ATM: variants seen among roughly 807,000 people sequenced by gnomAD.
ATM encodes the protein ATM serine/threonine kinase.
A neutral mutation model predicts 387.0 loss-of-function variants in ATM; 308 were observed. That is an observed-to-expected ratio of 0.80 (90% CI 0.73 to 0.87). The LOEUF is 0.87. ATM is among the 40% of genes least tolerant of loss of function. The pLI is 0.00. For synonymous variants in ATM, 1,156 were observed against 1,187.3 expected (o/e 0.97, Z 0.54); for missense variants, 3,312 against 3,560.9 (o/e 0.93, Z 1.78).
At chr11:108,262,128 G>C (rs952701571) in intron 16 of ATM, among the ~76,000 whole-genome samples, 4 of 152,016 alleles carry the variant, frequency 2.6e-5, no homozygotes, top group African/African-American at 7.3e-5. Flanking sequence ...AGGAAATACA[G>C]AGAATGCCAC....
chr11:108,304,735 G>A lies in ATM; in HGVS notation c.5557G>A (p.Asp1853Asn), dbSNP rs1801516. ...CTTGATTCATGATATTTTACTCCAAGATACAAATGAATCATGGAGAAATCT... is the reference window on the plus strand; with the variant it reads ...CTTGATTCATGATATTTTACTCCAAAATACAAATGAATCATGGAGAAATCT... The part of the protein sequence containing the change: ...PYLIHDILLQ[D>N]TNESWRNLLS... Residue 1853 changes from aspartate (D) to asparagine (N), a missense_variant, in exon 37 of 63, where the codon GAT becomes AAT. Physicochemically the swap from Asp to Asn is conservative, Grantham distance 23. Transcript: ENST00000675843. 0.13 allele frequency: 210,120 copies of A among 1,613,666 alleles called. 15,385 individuals are homozygous for A. The highest frequency in any genetic ancestry group is 0.14 in the Non-Finnish European group (169,329 of 1,179,756).
Position 108,279,555 on chromosome 11 carries a change from C to T in ATM, c.3349C>T (p.Gln1117Ter), listed in dbSNP as rs786201957. 3.7e-6 allele frequency: 6 copies of T among 1,613,814 alleles called. No individual in the cohort carries two copies. Among genetic ancestry groups the T allele is most frequent in the Non-Finnish European group, 5.1e-6 (6 of 1,179,834 alleles). Residue 1117 changes from glutamine to a stop codon, truncating the protein, a stop_gained, in exon 23 of 63, where the codon CAA (glutamine) becomes TAA (stop). Transcript: ENST00000675843. LOFTEE classifies it high-confidence loss of function. ...GAAAGCACTTCCTTTGAAGCTTCAG[C>T]AAACAGCTTTTGAAAATGCATACTT... is the stretch of plus-strand genomic sequence containing the variant. ...LLKALPLKLQ[Q>*]TAFENAYLKA... is the part of the protein sequence containing the mutation.
chr11:108,244,991 T>C lies in ATM; in HGVS notation c.866T>C (p.Ile289Thr), dbSNP rs35261362. Residue 289 changes from isoleucine (I) to threonine (T), a missense_variant, in exon 7 of 63, where the codon ATC becomes ACC. Coordinates refer to ENST00000675843, the MANE Select transcript of ATM (RefSeq NM_000051.4). ...GAATTATTTCAACTGCAAATTTATATCCATCATCCGAAAGGAGCCAAAACC... is the reference window on the plus strand; with the variant it reads ...GAATTATTTCAACTGCAAATTTATACCCATCATCCGAAAGGAGCCAAAACC... ...IIELFQLQIY[I>T]HHPKGAKTQE... is the part of the protein sequence containing the mutation. 2 of 1,611,978 alleles carry C rather than the reference T, an allele frequency of 1.2e-6. No homozygotes were observed. The highest frequency in any genetic ancestry group is 1.7e-6 in the Non-Finnish European group (2 of 1,179,656).
chr11:108,319,806 T>G (rs937607512), intron 43 of ATM, 148 bp from the exon 44 acceptor site: 1 of 634,744 alleles, frequency 1.6e-6, no homozygotes, highest in Non-Finnish European at 2.8e-6. Context: ...TCATAAAATT[T>G]GTATTTCTTA....
intron 61 of ATM, among the ~76,000 whole-genome samples, chr11:108,364,318 T>G (rs2091108597): frequency 6.6e-6 from 1 of 152,056 alleles, no homozygotes; most frequent in South Asian, 2.1e-4. Flanking sequence ...TAAAGCCTAT[T>G]TTTTTTAAAG....
chr11:108,329,054 A>G lies in ATM; in HGVS notation c.7123A>G (p.Ser2375Gly), dbSNP rs2085977071. Residue 2375 changes from serine (S) to glycine (G), a missense_variant, in exon 49 of 63, where the codon AGT becomes GGT. Coordinates refer to ENST00000675843, the MANE Select transcript of ATM (RefSeq NM_000051.4). Reference protein sequence around the residue: ...VEVAGNYDGESSDELRNGKMK... With the variant: ...VEVAGNYDGEGSDELRNGKMK... ...AGTTGCTGGAAATTATGATGGAGAA[A>G]GTAGTGATGAGCTAAGAAATGGAAA... is the stretch of plus-strand genomic sequence containing the variant. 6.2e-7 allele frequency: 1 copy of G among 1,614,136 alleles called. No homozygotes were observed. The highest frequency in any genetic ancestry group is 2.2e-5 in the East Asian group (1 of 44,842).
chr11:108,311,987 A>G (rs2084202025), intron 39 of ATM, among the ~76,000 whole-genome samples: 1 of 152,156 alleles, frequency 6.6e-6, no homozygotes, highest in Admixed American at 6.5e-5. Context: ...TTCCTTTTCA[A>G]TAGTTAATAT....
chr11:108,242,135 CAAAA>C (rs199712751), intron 5 of ATM, among the ~76,000 whole-genome samples: 3 of 150,588 alleles, frequency 2.0e-5, no homozygotes, highest in Admixed American at 6.6e-5. Flanking sequence ...AAACAAAAAA[CAAAA>C]AAAAGAGGAC....
intron 16 of ATM, among the ~76,000 whole-genome samples, chr11:108,266,207 C>T (rs1340010967): frequency 6.7e-6 from 1 of 149,684 alleles, no homozygotes; most frequent in Non-Finnish European, 1.5e-5. Context: ...TGGCATTATT[C>T]ACAATAGCAA....
At chr11:108,259,863 A>G (rs114579218) in intron 16 of ATM, among the ~76,000 whole-genome samples, 1,946 of 152,242 alleles carry the variant, frequency 0.013, 49 homozygotes, top group African/African-American at 0.044. Flanking sequence ...GAGTGAAAAC[A>G]TATTCTGTAA....
chr11:108,292,706 C>A lies in ATM; in HGVS notation c.4524C>A (p.Tyr1508Ter), dbSNP rs1555099892. ...LSQVCQTAVT[Y>*]CKDALENHLH... ...AGGTTTGCCAGACAGCCGTGACTTA[C>A]TGTAAGGATGCTCTAGAAAACCATC... Residue 1508 changes from tyrosine to a stop codon, truncating the protein, a stop_gained, in exon 30 of 63, where the codon TAC (tyrosine) becomes TAA (stop). Transcript: ENST00000675843. LOFTEE classifies it high-confidence loss of function. 1 of 1,613,842 alleles carries A rather than the reference C, an allele frequency of 6.2e-7. No individual in the cohort carries two copies. Among genetic ancestry groups the A allele is most frequent in the Non-Finnish European group, 8.5e-7 (1 of 1,179,936 alleles).
intron 39 of ATM, among the ~76,000 whole-genome samples, chr11:108,311,341 C>T (rs936303368): frequency 1.3e-5 from 2 of 152,022 alleles, no homozygotes; most frequent in Admixed American, 6.6e-5. Context: ...GGAAGTGGAT[C>T]GGTAGGAAGC....
In ATM at chr11:108,229,194, A is replaced by G. The variant is rs35389822; in HGVS notation, c.202A>G (p.Ile68Val). ...DAVFRFLQKYIQKETECLRIA... is the reference protein window; with the variant it reads ...DAVFRFLQKYVQKETECLRIA... Reference sequence around the variant, plus strand: ...TTCTTGAAGATTTTTACAGAAATATATTCAGAAAGAAACAGAATGTCTGAG... The same window carrying G: ...TTCTTGAAGATTTTTACAGAAATATGTTCAGAAAGAAACAGAATGTCTGAG... Residue 68 changes from isoleucine (I) to valine (V), a missense_variant, in exon 4 of 63, where the codon ATT (isoleucine) becomes GTT (valine). Transcript: ENST00000675843. 86 of 1,612,374 alleles carry G rather than the reference A, an allele frequency of 5.3e-5. No individual in the cohort carries two copies. Among genetic ancestry groups the G allele is most frequent in the Non-Finnish European group, 6.8e-5 (80 of 1,179,148 alleles).
chr11:108,361,793 TA>T (rs2090795526), intron 61 of ATM, among the ~76,000 whole-genome samples: 1 of 152,072 alleles, frequency 6.6e-6, no homozygotes, highest in African/African-American at 2.4e-5. Context: ...ATACAAAAAT[TA>T]ACTCAAGATG....
intron 39 of ATM, 122 bp from the exon 40 acceptor site, chr11:108,312,289 T>C: frequency 4.1e-6 from 3 of 733,460 alleles, no homozygotes; most frequent in Non-Finnish European, 7.3e-6. Context: ...AAAGTATAAG[T>C]GATTTATTCT....
intron 4 of ATM, among the ~76,000 whole-genome samples, chr11:108,231,998 A>C (rs1173535041): frequency 6.6e-6 from 1 of 152,212 alleles, no homozygotes; most frequent in East Asian, 1.9e-4. Context: ...TAATGCTGGG[A>C]TATAGTAGGT....
At position 108,300,414 on chromosome 11, in the gene ATM, G is replaced by A. The variant is rs563570631; in HGVS notation, c.5177+529G>A. Among the ~76,000 whole-genome samples, 12 of 152,228 alleles carry A rather than the reference G, an allele frequency of 7.9e-5. 1 individual carries two copies. Among genetic ancestry groups the A allele is most frequent in the Admixed American group, 3.9e-4 (6 of 15,286 alleles). ...ACTGGTTGGTTGAGATTACTTTTGC[G>A]TGCATGCTCTTTCTCTCTCTTATTT... On this transcript the variant is annotated intron_variant, in intron 34 of 62. Coordinates refer to ENST00000675843, the MANE Select transcript of ATM (RefSeq NM_000051.4).
intron 53 of ATM, 53 bp from the exon 54 acceptor site, chr11:108,333,833 C>T (rs2136606722): frequency 7.1e-7 from 1 of 1,398,700 alleles, no homozygotes; most frequent in South Asian, 1.2e-5. Context: ...CCTGCTTGAC[C>T]TTCAATGCTG....
At chr11:108,338,348 T>G (rs932172365) in intron 56 of ATM, among the ~76,000 whole-genome samples, 20 of 152,022 alleles carry the variant, frequency 1.3e-4, no homozygotes, top group African/African-American at 4.8e-4. Flanking sequence ...CGAGACTTCT[T>G]CTCAAAAAAG....
Sources: gnomAD v4.1 joint callset for allele counts (sites outside exome capture counted in the v4.1 genomes callset) on GRCh38, gnomAD v4.1.1 for gene constraint, MANE v1.5 for transcripts, NCBI Gene and HGNC (gene_info 2026-07-23, HGNC 2026-07-21) for gene names.